The following MEGF10 variants were observed in gnomAD, a reference collection of about 807,000 sequenced individuals.
The protein encoded by MEGF10 is multiple EGF like domains 10, also known as multiple epidermal growth factor-like domains protein 10.
In MEGF10, 86 loss-of-function variants were observed where a neutral mutation model predicts 147.5. The observed-to-expected ratio is 0.58, with a 90% CI of 0.49 to 0.70. The LOEUF (loss-of-function observed/expected upper bound fraction) is 0.70, where lower values mean the gene tolerates loss of function less well. Ranked by LOEUF, MEGF10 falls within the 30% of genes least tolerant of loss-of-function variation. MEGF10 has a pLI of 0.00. For synonymous variants in MEGF10, 478 were observed against 525.5 expected (o/e 0.91, Z 1.24); for missense variants, 1,329 against 1,487.3 (o/e 0.89, Z 1.75).
At chr5:127,377,357 A>C (rs1763071245) in intron 5 of MEGF10, among the ~76,000 whole-genome samples, 1 of 152,224 alleles carries the variant, frequency 6.6e-6, no homozygotes, top group Admixed American at 6.5e-5. Context: ...GTCCTAAATC[A>C]GCCAGCATAT....
At chr5:127,330,152 T>C (rs1042456986) in intron 1 of MEGF10, among the ~76,000 whole-genome samples, 1 of 152,156 alleles carries the variant, frequency 6.6e-6, no homozygotes, top group Non-Finnish European at 1.5e-5. Flanking sequence ...ACAAGTCCTG[T>C]CGATTCCGCA....
intron 2 of MEGF10, among the ~76,000 whole-genome samples, chr5:127,334,457 C>G (rs532565373): frequency 1.3e-5 from 2 of 152,228 alleles, no homozygotes; most frequent in East Asian, 3.9e-4. Flanking sequence ...AAGCACTAAA[C>G]AAAAATACTT....
At chr5:127,249,319 C>T in the MEGF10 span, among the ~76,000 whole-genome samples, 1,465 of 150,902 alleles carry the variant, frequency 9.7e-3, 21 homozygotes, top group African/African-American at 0.032. Context: ...TAATCCCTGG[C>T]GCAATCACTA....
At chr5:127,422,856 A>G (rs937205396) in intron 13 of MEGF10, 84 bp downstream of exon 13, 2 of 947,060 alleles carry the variant, frequency 2.1e-6, no homozygotes, top group Non-Finnish European at 3.3e-6. Flanking sequence ...ACAGAAACAC[A>G]CACCAGTCAA....
At chr5:127,236,036 G>A in the MEGF10 span, among the ~76,000 whole-genome samples, 2 of 151,796 alleles carry the variant, frequency 1.3e-5, no homozygotes, top group African/African-American at 2.4e-5. Flanking sequence ...ACAGGGGTGC[G>A]ATCTCGGCTC....
chr5:127,437,309 C>T (rs1009011863), intron 16 of MEGF10, among the ~76,000 whole-genome samples: 2 of 152,138 alleles, frequency 1.3e-5, no homozygotes, highest in Admixed American at 6.6e-5. Context: ...CTTTTGTGTG[C>T]TCAGTTTCTT....
At chr5:127,407,927 T>G (rs1438549657) in intron 8 of MEGF10, among the ~76,000 whole-genome samples, 2 of 152,224 alleles carry the variant, frequency 1.3e-5, no homozygotes, top group African/African-American at 4.8e-5. Context: ...AGGATTGTCC[T>G]ACAAGTGCAA....
chr5:127,359,058 G>T (rs868813489), intron 4 of MEGF10, among the ~76,000 whole-genome samples: 1,680 of 141,966 alleles, frequency 0.012, 15 homozygotes, highest in African/African-American at 0.017. Flanking sequence ...AAGCTGTTTT[G>T]TTTTTTTTTT....
intron 14 of MEGF10, among the ~76,000 whole-genome samples, chr5:127,434,198 CT>C: frequency 6.6e-6 from 1 of 152,174 alleles, no homozygotes; most frequent in Non-Finnish European, 1.5e-5. Context: ...TGGTTAATCA[CT>C]TTTCGATTAC....
chr5:127,396,795 C>G lies in MEGF10; in HGVS notation c.659+17C>G, dbSNP rs763224508. On this transcript the variant is annotated intron_variant, in intron 6 of 24. Coordinates refer to ENST00000503335, the MANE Select transcript of MEGF10 (RefSeq NM_001256545.2). ...CGGAGCCTTGTAAGTCACATGCTGC[C>G]CAGCAGCAGAGCAGAGCCCACCCAC... 27 of 1,607,446 alleles carry G rather than the reference C, an allele frequency of 1.7e-5. No individual in the cohort carries two copies. The Middle Eastern group carries it at 1.2e-3, about 70-fold the overall frequency.
chr5:127,323,502 T>C (rs1009714691), intron 1 of MEGF10, among the ~76,000 whole-genome samples: 1 of 152,226 alleles, frequency 6.6e-6, no homozygotes. Context: ...AGAGAAAAGA[T>C]TTCAGAATCA....
At chr5:127,274,660 T>C in the MEGF10 span, among the ~76,000 whole-genome samples, 2 of 152,190 alleles carry the variant, frequency 1.3e-5, no homozygotes, top group African/African-American at 2.4e-5. Context: ...GTGTCACACT[T>C]AGAAAATGTT....
At position 127,398,242 on chromosome 5, in the gene MEGF10, T is replaced by TA. The variant is rs556071619; in HGVS notation, c.660-424dup. The stretch of plus-strand genomic sequence containing the variant: ...GAACTTAAAGTAAAATTTTAAAAAT[T>TA]AAAAAAAAAAGGATGATGAATATGT... On this transcript the variant is annotated intron_variant, in intron 6 of 24. Transcript: ENST00000503335. Among the ~76,000 whole-genome samples the TA allele has an allele frequency of 3.4e-3, 508 of 148,452 alleles. 5 individuals carry two copies. Among genetic ancestry groups the TA allele is most frequent in the African/African-American group, 0.012 (479 of 40,424 alleles).
intron 1 of MEGF10, among the ~76,000 whole-genome samples, chr5:127,307,555 C>T (rs1760071434): frequency 6.6e-6 from 1 of 152,164 alleles, no homozygotes; most frequent in African/African-American, 2.4e-5. Context: ...GGTGCTCTTC[C>T]TCTATGTTGG....
chr5:127,445,750 G>T (rs1306607222), intron 20 of MEGF10, 57 bp downstream of exon 20: 1 of 1,323,274 alleles, frequency 7.6e-7, no homozygotes, highest in Non-Finnish European at 1.1e-6. Flanking sequence ...TTTCATTCGG[G>T]TTCTTTAAAA....
intron 1 of MEGF10, among the ~76,000 whole-genome samples, chr5:127,318,111 AC>A (rs1760637054): frequency 6.6e-6 from 1 of 152,120 alleles, no homozygotes; most frequent in Admixed American, 6.6e-5. Flanking sequence ...TATAAAAGAG[AC>A]CTCAGAGTGC....
chr5:127,370,014 C>T lies in MEGF10; in HGVS notation c.412+12C>T, dbSNP rs757440909. 1 of 1,606,440 alleles carries T rather than the reference C, an allele frequency of 6.2e-7. No homozygotes were observed. The highest frequency in any genetic ancestry group is 1.1e-5 in the South Asian group (1 of 90,734). ...CAACTGCTCCAGTGGTAAGTTTCCA[C>T]CTGCTGTTGTCTGTCTCGGGATGTT... is the stretch of plus-strand genomic sequence containing the variant. On this transcript the variant is annotated intron_variant, in intron 5 of 24. Coordinates refer to ENST00000503335, the MANE Select transcript of MEGF10 (RefSeq NM_001256545.2).
intron 4 of MEGF10, among the ~76,000 whole-genome samples, chr5:127,368,851 T>G (rs1003639248): frequency 6.6e-6 from 1 of 152,208 alleles, no homozygotes; most frequent in Non-Finnish European, 1.5e-5. Flanking sequence ...GCCATTATAT[T>G]AAGTGGAAAA....
At chr5:127,431,378 C>A (rs1260996135) in intron 13 of MEGF10, among the ~76,000 whole-genome samples, 1 of 152,144 alleles carries the variant, frequency 6.6e-6, no homozygotes. Context: ...GTACTCCATT[C>A]CATCTTAACT....
Sources: gnomAD v4.1 joint callset for allele counts (sites outside exome capture counted in the v4.1 genomes callset) on GRCh38, gnomAD v4.1.1 for gene constraint, MANE v1.5 for transcripts, NCBI Gene and HGNC (gene_info 2026-07-23, HGNC 2026-07-21) for gene names.